The following LIN52 variants were observed in gnomAD, a reference collection of about 807,000 sequenced individuals.
The protein encoded by LIN52 is lin-52 DREAM MuvB core complex component.
In LIN52, 4 loss-of-function variants were observed where a neutral mutation model predicts 18.5. The ratio of observed to expected loss-of-function variants is 0.22; its 90% CI spans 0.11 to 0.49. The LOEUF (loss-of-function observed/expected upper bound fraction) is 0.49, where lower values mean the gene tolerates loss of function less well. LIN52 is among the 20% of genes least tolerant of loss of function. The pLI, the probability that LIN52 is intolerant of heterozygous loss-of-function variation, is 0.97. For synonymous variants in LIN52, 34 were observed against 45.5 expected (o/e 0.75, Z 1.02); for missense variants, 102 against 139.5 (o/e 0.73, Z 1.35).
At chr14:74,138,216 A>G (rs2061109105) in intron 5 of LIN52, among the ~76,000 whole-genome samples, 1 of 152,234 alleles carries the variant, frequency 6.6e-6, no homozygotes, top group Non-Finnish European at 1.5e-5. Context: ...CAGAGGGAAA[A>G]GTGAGGTAAA....
At chr14:74,165,609 A>T (rs772158180) in intron 5 of LIN52, among the ~76,000 whole-genome samples, 14 of 149,064 alleles carry the variant, frequency 9.4e-5, no homozygotes, top group Non-Finnish European at 2.1e-4. Context: ...CCAGGGTTCA[A>T]GCGATTCTCC....
intron 1 of LIN52, among the ~76,000 whole-genome samples, chr14:74,088,800 A>G (rs901402546): frequency 6.6e-6 from 1 of 152,240 alleles, no homozygotes; most frequent in Non-Finnish European, 1.5e-5. Flanking sequence ...TGTTTATAGC[A>G]TTAAATGAAC....
At chr14:74,161,185 A>T (rs939709210) in intron 5 of LIN52, among the ~76,000 whole-genome samples, 3 of 151,844 alleles carry the variant, frequency 2.0e-5, no homozygotes, top group Non-Finnish European at 4.4e-5. Flanking sequence ...ACAGGGAAAA[A>T]TTTATTTATT....
intron 5 of LIN52, among the ~76,000 whole-genome samples, chr14:74,189,833 A>C (rs2061355910): frequency 6.6e-6 from 1 of 152,162 alleles, no homozygotes; most frequent in South Asian, 2.1e-4. Context: ...AAAGCCATTA[A>C]AATTATTTTC....
At chr14:74,191,662 C>T (rs888889664) in intron 5 of LIN52, among the ~76,000 whole-genome samples, 4 of 149,640 alleles carry the variant, frequency 2.7e-5, no homozygotes, top group African/African-American at 4.9e-5. Flanking sequence ...GAGATGGAGC[C>T]TTGCTCTGTC....
At chr14:74,169,108 T>C (rs1378742991) in intron 5 of LIN52, among the ~76,000 whole-genome samples, 1 of 152,180 alleles carries the variant, frequency 6.6e-6, no homozygotes, top group East Asian at 1.9e-4. Flanking sequence ...GGAAACTCTT[T>C]TTTGGGCCTT....
At chr14:74,091,504 C>T (rs2060771924) in intron 2 of LIN52, among the ~76,000 whole-genome samples, 198 bp downstream of exon 2, 1 of 152,044 alleles carries the variant, frequency 6.6e-6, no homozygotes, top group Admixed American at 6.6e-5. Flanking sequence ...CTTGTTGGCT[C>T]ATGCCTGTAA....
At chr14:74,097,661 C>G (rs971476164) in intron 3 of LIN52, 133 bp from the exon 4 acceptor site, 4 of 597,692 alleles carry the variant, frequency 6.7e-6, no homozygotes, top group African/African-American at 3.8e-5. Context: ...GTCTCGAACT[C>G]CTGACTCCTG....
chr14:74,183,548 G>T (rs1432508738), intron 5 of LIN52, among the ~76,000 whole-genome samples: 1 of 152,132 alleles, frequency 6.6e-6, no homozygotes, highest in African/African-American at 2.4e-5. Context: ...TAGTGATAAT[G>T]AGGAAAAAGC....
chr14:74,153,355 T>C (rs1160650277), intron 5 of LIN52, among the ~76,000 whole-genome samples: 1 of 152,216 alleles, frequency 6.6e-6, no homozygotes, highest in African/African-American at 2.4e-5. Context: ...CCATTCATTG[T>C]AATAGTCATT....
chr14:74,153,629 A>G (rs187718196), intron 5 of LIN52, among the ~76,000 whole-genome samples: 12 of 151,240 alleles, frequency 7.9e-5, no homozygotes, highest in Admixed American at 7.9e-4. Context: ...ACTGCAACCT[A>G]CACCCCTCAG....
rs146184863 is a variant in LIN52 at position 74,195,954 on chromosome 14, A to G, written c.284-2968A>G. Among the ~76,000 whole-genome samples, 539 of 152,250 alleles carry G rather than the reference A, an allele frequency of 3.5e-3. 4 individuals carry two copies. The highest frequency in any genetic ancestry group is 0.012 in the African/African-American group (512 of 41,540). On this transcript the variant is annotated intron_variant, in intron 5 of 5. Coordinates refer to ENST00000555028, the MANE Select transcript of LIN52 (RefSeq NM_001024674.3). ...CTGGAGCAGCCCCTGACCCACAGCA[A>G]TTTCTCTGTGCACAAAAAGGGGTTG...
intron 5 of LIN52, among the ~76,000 whole-genome samples, chr14:74,113,385 C>G (rs2060941975): frequency 6.6e-6 from 1 of 151,672 alleles, no homozygotes; most frequent in African/African-American, 2.4e-5. Context: ...GAGCAAGACT[C>G]TGTCTCAAAA....
Position 74,085,000 on chromosome 14 carries a change from G to A in LIN52, c.19+7G>A, listed in dbSNP as rs767926608. On this transcript the variant is annotated splice_region_variant and intron_variant, in intron 1 of 5. Coordinates refer to ENST00000555028, the MANE Select transcript of LIN52 (RefSeq NM_001024674.3). ...ATGGCGTCTCCCACAGACGGTAAGA[G>A]CCGGCTTAGAGATCTTTGCCTGCAG... The A allele has an allele frequency of 1.2e-5, 17 of 1,403,710 alleles. No homozygotes were observed. Among genetic ancestry groups the A allele is most frequent in the Middle Eastern group, 1.9e-4 (1 of 5,178 alleles). 87.0% of individuals were successfully genotyped at this position (1,403,710 alleles called of 1,614,324 possible).
chr14:74,179,488 C>G (rs2061307832), intron 5 of LIN52, among the ~76,000 whole-genome samples: 1 of 151,914 alleles, frequency 6.6e-6, no homozygotes, highest in Admixed American at 6.6e-5. Context: ...GGTGAAACCC[C>G]ATCTCTACTA....
intron 5 of LIN52, among the ~76,000 whole-genome samples, chr14:74,159,501 G>A (rs1315056005): frequency 3.3e-5 from 5 of 151,390 alleles, no homozygotes; most frequent in Non-Finnish European, 5.9e-5. Context: ...TGCTCAAATT[G>A]TCTGTCTTGT....
Position 74,200,892 on chromosome 14 carries a change from A to G in LIN52, c.*1915A>G, listed in dbSNP as rs1236199196. The G allele has an allele frequency of 6.6e-6, 1 of 152,194 alleles. No homozygotes were observed. Among genetic ancestry groups the G allele is most frequent in the Non-Finnish European group, 1.5e-5 (1 of 68,040 alleles). The allele number at this position is 152,194 out of a possible 1,614,324, so 9.4% of individuals were successfully genotyped here. A position where few individuals can be genotyped will look rare whatever the true frequency, so the allele number is the denominator to read the frequency against. On this transcript the variant is annotated 3_prime_UTR_variant, in exon 6 of 6. Coordinates refer to ENST00000555028, the MANE Select transcript of LIN52 (RefSeq NM_001024674.3). ...TCCTTTGCTCTGTTTTTGAGAGTTG[A>G]TGACATCAGGCACTTTTCAGTGTTT...
chr14:74,197,811 T>C (rs550077948), intron 5 of LIN52, among the ~76,000 whole-genome samples: 2 of 152,342 alleles, frequency 1.3e-5, no homozygotes, highest in South Asian at 4.1e-4. Context: ...AACAAGAAAC[T>C]GTTAAACTTA....
At chr14:74,159,222 G>T (rs1474475305) in intron 5 of LIN52, among the ~76,000 whole-genome samples, 1 of 151,942 alleles carries the variant, frequency 6.6e-6, no homozygotes, top group East Asian at 1.9e-4. Flanking sequence ...TTTAATACCA[G>T]AAATTCTGAG....
Sources: gnomAD v4.1 joint callset for allele counts (sites outside exome capture counted in the v4.1 genomes callset) on GRCh38, gnomAD v4.1.1 for gene constraint, MANE v1.5 for transcripts, NCBI Gene and HGNC (gene_info 2026-07-23, HGNC 2026-07-21) for gene names.